Variants in CMAS observed in about 807,000 individuals in gnomAD.
The protein encoded by CMAS is N-acylneuraminate cytidylyltransferase.
Under a neutral mutation model 53.4 loss-of-function variants are expected in CMAS, and 21 were observed. The observed-to-expected ratio is 0.39, with a 90% confidence interval of 0.28 to 0.57. The LOEUF (loss-of-function observed/expected upper bound fraction) is 0.57. CMAS is among the 20% of genes least tolerant of loss of function. The pLI is 0.56. For missense variants in CMAS, 384 were observed against 534.9 expected, an observed-to-expected ratio of 0.72 and a Z score of 2.78; for synonymous variants, 189 against 195.2, an observed-to-expected ratio of 0.97 and a Z score of 0.27.
intron 1 of CMAS, among the ~76,000 whole-genome samples, chr12:22,050,304 T>A (rs1242085285): frequency 6.6e-6 from 1 of 152,222 alleles, no homozygotes; most frequent in East Asian, 1.9e-4. Context: ...CCTCAGTCTC[T>A]TCATCTACAA....
At chr12:22,060,653 C>T (rs1040569317) in intron 4 of CMAS, 179 bp from the exon 5 acceptor site, 12 of 464,466 alleles carry the variant, frequency 2.6e-5, no homozygotes, top group South Asian at 1.8e-4. Flanking sequence ...AACCCTGACT[C>T]GAAAAAATAA....
At chr12:22,048,656 C>A (rs1950221543) in intron 1 of CMAS, among the ~76,000 whole-genome samples, 1 of 152,120 alleles carries the variant, frequency 6.6e-6, no homozygotes, top group Admixed American at 6.5e-5. Context: ...GTAAATCTAC[C>A]ACACAAAACT....
At chr12:22,053,255 T>A (rs972114708) in intron 1 of CMAS, among the ~76,000 whole-genome samples, 3 of 151,688 alleles carry the variant, frequency 2.0e-5, no homozygotes, top group African/African-American at 7.3e-5. Context: ...TGGGCCACTG[T>A]ACTCCAGCCT....
At chr12:22,062,981 A>T (rs535628829) in intron 7 of CMAS, among the ~76,000 whole-genome samples, 1 of 152,346 alleles carries the variant, frequency 6.6e-6, no homozygotes, top group African/African-American at 2.4e-5. Flanking sequence ...ATTACTATGC[A>T]ACCATTACAA....
chr12:22,055,670 T>C (rs1481619706), intron 3 of CMAS, 60 bp downstream of exon 3: 5 of 1,448,952 alleles, frequency 3.5e-6, no homozygotes, highest in Middle Eastern at 1.9e-4. Context: ...TTTTTGTATA[T>C]AAATATCCTT....
At chr12:22,051,763 T>C (rs1950240339) in intron 1 of CMAS, among the ~76,000 whole-genome samples, 3 of 152,216 alleles carry the variant, frequency 2.0e-5, no homozygotes, top group African/African-American at 7.2e-5. Flanking sequence ...CCTTTGAAGG[T>C]CTGGAAGCAG....
chr12:22,062,505 G>A lies in CMAS; in HGVS notation c.1114+71G>A. The A allele has an allele frequency of 2.0e-6, 3 of 1,470,720 alleles. No homozygotes were observed. In the South Asian group the frequency reaches 3.5e-5, roughly 17 times the overall value. The allele number at this position is 1,470,720 out of a possible 1,614,324, so 91.1% of individuals were successfully genotyped here. A position where few individuals can be genotyped will look rare whatever the true frequency, so the allele number is the denominator to read the frequency against. On this transcript the variant is annotated intron_variant, in intron 7 of 7. Transcript: ENST00000229329. ...ATTATTTACTTATTTTTAAAGAAAT[G>A]ACAAAGCACATCCTCCAAATGGGTA...
At chr12:22,061,942 G>T (rs1017359367) in intron 6 of CMAS, among the ~76,000 whole-genome samples, 2 of 152,118 alleles carry the variant, frequency 1.3e-5, no homozygotes, top group Non-Finnish European at 2.9e-5. Context: ...AGAGGTTATA[G>T]ACTTTCCTCT....
At chr12:22,055,411 A>C (rs1242465812) in intron 2 of CMAS, 44 bp from the exon 3 acceptor site, 2 of 1,519,384 alleles carry the variant, frequency 1.3e-6, no homozygotes, top group Admixed American at 2.3e-5. Context: ...CTTGCAAGGA[A>C]CTTTTTTTTT....
At chr12:22,055,841 C>G (rs1950264648) in intron 3 of CMAS, among the ~76,000 whole-genome samples, 1 of 152,152 alleles carries the variant, frequency 6.6e-6, no homozygotes, top group Non-Finnish European at 1.5e-5. Context: ...ACATTCTAAT[C>G]CTCTTATTTC....
Position 22,062,450 on chromosome 12 carries a change from T to C in CMAS, c.1114+16T>C, listed in dbSNP as rs752196734. The C allele has an allele frequency of 6.2e-7, 1 of 1,609,776 alleles. No homozygotes were observed. The highest frequency in any genetic ancestry group is 8.5e-7 in the Non-Finnish European group (1 of 1,178,216). ...GCATATCTTGGTTGGTATCTTTTTATTCACCCATAGTAAAATGGACCAGGA... is the reference window on the plus strand; with the variant it reads ...GCATATCTTGGTTGGTATCTTTTTACTCACCCATAGTAAAATGGACCAGGA... On this transcript the variant is annotated intron_variant, in intron 7 of 7. Coordinates refer to ENST00000229329, the MANE Select transcript of CMAS (RefSeq NM_018686.6).
chr12:22,053,512 T>TATATATATATATATACACACCAA (rs765174250), intron 1 of CMAS, among the ~76,000 whole-genome samples: 5 of 125,680 alleles, frequency 4.0e-5, no homozygotes, highest in African/African-American at 1.3e-4. Context: ...ACACACCAAA[T>TATATATATATATATACACACCAA]ATATATATAT....
chr12:22,060,617 G>T (rs1379581710), intron 4 of CMAS: 1 of 415,040 alleles, frequency 2.4e-6, no homozygotes, highest in Non-Finnish European at 4.4e-6. Flanking sequence ...TTGCACCATT[G>T]CACTCCAGCC....
At chr12:22,054,289 C>A (rs944990761) in intron 1 of CMAS, among the ~76,000 whole-genome samples, 3 of 152,084 alleles carry the variant, frequency 2.0e-5, no homozygotes, top group Non-Finnish European at 2.9e-5. Flanking sequence ...TTGTGACTGT[C>A]CAGGAAACAA....
At chr12:22,062,245 C>CTTCTTCCTCCA (rs1195107600) in intron 6 of CMAS, 36 bp from the exon 7 acceptor site, 32 of 1,534,330 alleles carry the variant, frequency 2.1e-5, no homozygotes, top group Non-Finnish European at 2.8e-5. Flanking sequence ...TAATTTTTCC[C>CTTCTTCCTCCA]TTCTTCCTCC....
chr12:22,049,128 G>A (rs889575827), intron 1 of CMAS, among the ~76,000 whole-genome samples: 1 of 152,130 alleles, frequency 6.6e-6, no homozygotes, highest in Non-Finnish European at 1.5e-5. Context: ...TGCTCTCCTC[G>A]AAGCTCGAAG....
rs1337182084 is a variant in CMAS, at chr12:22,055,472, A to G, written c.421A>G (p.Asn141Asp). 1 of 1,593,904 alleles carries G rather than the reference A, an allele frequency of 6.3e-7. No homozygotes were observed. The highest frequency in any genetic ancestry group is 8.5e-7 in the Non-Finnish European group (1 of 1,174,874). Residue 141 changes from asparagine (N) to aspartate (D), a missense_variant, in exon 3 of 8, where the codon AAT becomes GAT. Transcript: ENST00000229329. ...TTTTTAAGAGGTTGACATTGTAGGA[A>G]ATATTCAAGCTACTTCTCCATGTTT... ...NYHNEVDIVGNIQATSPCLHP... is the reference protein window; with the variant it reads ...NYHNEVDIVGDIQATSPCLHP...
intron 1 of CMAS, among the ~76,000 whole-genome samples, chr12:22,047,289 T>C (rs1009225465): frequency 6.6e-6 from 1 of 152,156 alleles, no homozygotes; most frequent in Admixed American, 6.5e-5. Context: ...CATTGCCAAA[T>C]TGGTCAGGAG....
chr12:22,055,219 A>C lies in CMAS; in HGVS notation c.331A>C (p.Arg111=), dbSNP rs1950260184. 2 of 1,612,812 alleles carry C rather than the reference A, an allele frequency of 1.2e-6. No homozygotes were observed. The highest frequency in any genetic ancestry group is 8.5e-7 in the Non-Finnish European group (1 of 1,179,044). ...ACAATTTGGTGCACAAGTTCATCGA[A>C]GAAGTTCTGAAGTTTCAAAAGACAG... is the stretch of plus-strand genomic sequence containing the variant. ...AKQFGAQVHR[R]SSEVSKDSST... The change falls in exon 2 of 8, where the codon AGA becomes CGA. Residue 111 remains arginine (R), a synonymous_variant. Transcript: ENST00000229329.
Sources: gnomAD v4.1 joint callset for allele counts (sites outside exome capture counted in the v4.1 genomes callset) on GRCh38, gnomAD v4.1.1 for gene constraint, MANE v1.5 for transcripts, NCBI Gene and HGNC (gene_info 2026-07-23, HGNC 2026-07-21) for gene names.